The following MAP3K15 variants were observed in gnomAD, a reference collection of about 807,000 sequenced individuals.
The protein encoded by MAP3K15 is MAPK/ERK kinase kinase 15.
In MAP3K15, 124 loss-of-function variants were observed where a neutral mutation model predicts 99.5. The observed-to-expected ratio is 1.25, with a 90% confidence interval of 1.08 to 1.45. The LOEUF (loss-of-function observed/expected upper bound fraction) is 1.45. Ranked by LOEUF, MAP3K15 falls within the 40% of genes most tolerant of loss-of-function variation. MAP3K15 has a pLI of 0.00. For synonymous variants in MAP3K15, 494 were observed against 439.6 expected (o/e 1.12, Z -1.55); for missense variants, 1,242 against 1,079.7 (o/e 1.15, Z -2.11).
chrX:19,374,301 T>C (rs779676013), intron 20 of MAP3K15, among the ~76,000 whole-genome samples, 176 bp downstream of exon 20: 2 of 111,410 alleles, frequency 1.8e-5, no homozygotes, highest in Non-Finnish European at 3.8e-5. Context: ...ATTAGTTGGA[T>C]TTTGACAACC....
At chrX:19,413,186 G>A (rs2063702981) in intron 11 of MAP3K15, among the ~76,000 whole-genome samples, 171 bp downstream of exon 11, 1 of 104,892 alleles carries the variant, frequency 9.5e-6, no homozygotes, top group Non-Finnish European at 2.0e-5. Context: ...ACACACACAT[G>A]CCCACACACA....
At chrX:19,450,642 T>C (rs756386277) in intron 6 of MAP3K15, among the ~76,000 whole-genome samples, 2 of 108,865 alleles carry the variant, frequency 1.8e-5, no homozygotes, top group African/African-American at 6.6e-5. Context: ...TTAACTTCAG[T>C]CACCCCTCAT....
intron 3 of MAP3K15, among the ~76,000 whole-genome samples, chrX:19,474,550 G>GA (rs1158691669): frequency 6.3e-5 from 6 of 95,487 alleles, no homozygotes; most frequent in South Asian, 6.1e-4. Context: ...GGTTGGGGGG[G>GA]GGGGTCTGTG....
At chrX:19,372,851 T>A in intron 21 of MAP3K15, 24 bp from the exon 22 acceptor site, 16 of 1,192,517 alleles carry the variant, frequency 1.3e-5, no homozygotes, top group Non-Finnish European at 1.8e-5. Context: ...CGTGTGACAA[T>A]CTCTGTGCGT....
chrX:19,502,242 T>C (rs938213679), intron 1 of MAP3K15, among the ~76,000 whole-genome samples: 3 of 109,671 alleles, frequency 2.7e-5, no homozygotes, highest in Non-Finnish European at 3.8e-5. Context: ...GGGACTGATA[T>C]GGTTTGGCTG....
chrX:19,509,378 A>G (rs2064502780), intron 1 of MAP3K15, among the ~76,000 whole-genome samples: 1 of 112,151 alleles, frequency 8.9e-6, no homozygotes, highest in Non-Finnish European at 1.9e-5. Context: ...GCAAAAGAAC[A>G]GAAATCATAA....
At chrX:19,492,117 T>C (rs189314963) in intron 1 of MAP3K15, among the ~76,000 whole-genome samples, 266 of 109,615 alleles carry the variant, frequency 2.4e-3, no homozygotes, top group African/African-American at 8.5e-3. Context: ...GAGCCACTGC[T>C]CCTGGCCTCT....
intron 18 of MAP3K15, among the ~76,000 whole-genome samples, chrX:19,391,674 C>CAAAAAAAAAAAAAAAAAAAAAAAAA (rs759061873): frequency 1.1e-4 from 3 of 28,522 alleles, no homozygotes; most frequent in African/African-American, 2.1e-4. Context: ...GACCCCGTCT[C>CAAAAAAAAAAAAAAAAAAAAAAAAA]AAAAAAAAAA....
intron 6 of MAP3K15, among the ~76,000 whole-genome samples, chrX:19,451,723 T>G (rs1478768469): frequency 9.1e-6 from 1 of 109,418 alleles, no homozygotes; most frequent in African/African-American, 3.3e-5. Context: ...GCTGGTGAGA[T>G]GTAAATGGGG....
At chrX:19,380,037 G>A in intron 19 of MAP3K15, 83 bp downstream of exon 19, 2 of 994,671 alleles carry the variant, frequency 2.0e-6, no homozygotes, top group Non-Finnish European at 2.7e-6. Flanking sequence ...CCTTTGTGGA[G>A]AGGTTTTCTG....
intron 5 of MAP3K15, 130 bp downstream of exon 5, chrX:19,459,855 A>G (rs2147356185): frequency 3.9e-6 from 2 of 507,807 alleles, no homozygotes; most frequent in East Asian, 4.1e-5. Flanking sequence ...CATCTCAAAA[A>G]AGAAAACAAA....
intron 23 of MAP3K15, 90 bp downstream of exon 23, chrX:19,371,255 T>C: frequency 5.1e-6 from 5 of 979,467 alleles, no homozygotes; most frequent in Non-Finnish European, 7.1e-6. Flanking sequence ...TTCAGGTGTA[T>C]ACAGTTAAGA....
chrX:19,374,970 G>A (rs1317327350), intron 19 of MAP3K15, among the ~76,000 whole-genome samples: 3 of 111,056 alleles, frequency 2.7e-5, no homozygotes, highest in Non-Finnish European at 3.8e-5. Context: ...ACCATGCAGA[G>A]AGGAAGCCCA....
intron 2 of MAP3K15, among the ~76,000 whole-genome samples, chrX:19,488,443 C>G (rs1273378668): frequency 8.9e-6 from 1 of 111,837 alleles, no homozygotes; most frequent in Non-Finnish European, 1.9e-5. Context: ...AAGTTGAGAA[C>G]TGATTTTTAT....
intron 4 of MAP3K15, among the ~76,000 whole-genome samples, chrX:19,462,753 CTT>C (rs1403772718): frequency 9.0e-6 from 1 of 111,678 alleles, no homozygotes; most frequent in East Asian, 2.8e-4. Context: ...TCAAAATAGA[CTT>C]TATAAATCTA....
At chrX:19,414,621 G>T (rs1368650006) in intron 10 of MAP3K15, among the ~76,000 whole-genome samples, 3 of 112,489 alleles carry the variant, frequency 2.7e-5, no homozygotes, top group South Asian at 7.3e-4. Flanking sequence ...GGCCTTAGAG[G>T]CAAACCAAAG....
At chrX:19,371,599 G>T in intron 22 of MAP3K15, 69 bp from the exon 23 acceptor site, 1 of 988,906 alleles carries the variant, frequency 1.0e-6, no homozygotes. Context: ...CACACTGGGG[G>T]AAACAAGATG....
At chrX:19,370,771 A>G (rs1220814487) in intron 24 of MAP3K15, among the ~76,000 whole-genome samples, 188 bp downstream of exon 24, 2 of 112,087 alleles carry the variant, frequency 1.8e-5, no homozygotes, top group East Asian at 5.6e-4. Flanking sequence ...ACACGTAAAT[A>G]CAGCACCACG....
intron 3 of MAP3K15, among the ~76,000 whole-genome samples, chrX:19,473,432 T>C (rs2064220515): frequency 8.9e-6 from 1 of 112,395 alleles, no homozygotes; most frequent in African/African-American, 3.2e-5. Context: ...ATAACACATG[T>C]TCAATAGCAA....
Sources: gnomAD v4.1 joint callset for allele counts (sites outside exome capture counted in the v4.1 genomes callset) on GRCh38, gnomAD v4.1.1 for gene constraint, MANE v1.5 for transcripts, NCBI Gene and HGNC (gene_info 2026-07-23, HGNC 2026-07-21) for gene names.